The following UGT1A6 variants were observed in gnomAD, a reference collection of about 807,000 sequenced individuals.
UGT1A6 encodes the protein UDP-glucuronosyltransferase 1A6.
UGT1A6 carries 32 observed loss-of-function variants against 44.4 expected under a neutral mutation model. The observed-to-expected ratio is 0.72, with a 90% CI of 0.54 to 0.97. UGT1A6 has a LOEUF of 0.97. Ranked by LOEUF, UGT1A6 falls within the 50% of genes least tolerant of loss-of-function variation. UGT1A6 has a pLI of 0.00. For synonymous variants in UGT1A6, 238 were observed against 248.5 expected (o/e 0.96, Z 0.40); for missense variants, 685 against 661.9 (o/e 1.03, Z -0.38).
At chr2:233,700,836 AG>A (rs1445397455) in intron 1 of UGT1A6, among the ~76,000 whole-genome samples, 2 of 152,118 alleles carry the variant, frequency 1.3e-5, no homozygotes, top group Non-Finnish European at 2.9e-5. Flanking sequence ...CTCGTCATTT[AG>A]CATTAGGTAT....
At chr2:233,711,329 A>G (rs1022297235) in intron 1 of UGT1A6, among the ~76,000 whole-genome samples, 2 of 152,214 alleles carry the variant, frequency 1.3e-5, no homozygotes, top group African/African-American at 4.8e-5. Context: ...ACAAAACACC[A>G]CTGCATGGAG....
chr2:233,726,690 G>A (rs766630788), intron 1 of UGT1A6, among the ~76,000 whole-genome samples: 3 of 152,094 alleles, frequency 2.0e-5, no homozygotes, highest in Admixed American at 6.5e-5. Context: ...CACCTGTAAC[G>A]GAACATATTC....
At chr2:233,732,356 G>A (rs946467388) in intron 1 of UGT1A6, among the ~76,000 whole-genome samples, 35 of 152,232 alleles carry the variant, frequency 2.3e-4, no homozygotes, top group Non-Finnish European at 4.6e-4. Context: ...TAGTCATGAA[G>A]TCCTGGCCCA....
intron 1 of UGT1A6, among the ~76,000 whole-genome samples, chr2:233,745,990 G>A (rs1261244723): frequency 3.3e-5 from 5 of 151,696 alleles, no homozygotes; most frequent in African/African-American, 1.2e-4. Context: ...TGACAGCTGG[G>A]TCTGAGAGAC....
chr2:233,719,875 G>A (rs1258647724), intron 1 of UGT1A6, among the ~76,000 whole-genome samples: 1 of 152,206 alleles, frequency 6.6e-6, no homozygotes, highest in Non-Finnish European at 1.5e-5. Context: ...AGGAAGAAGA[G>A]GCACGGATGA....
At chr2:233,749,855 C>G (rs1694286489) in intron 1 of UGT1A6, among the ~76,000 whole-genome samples, 1 of 151,986 alleles carries the variant, frequency 6.6e-6, no homozygotes, top group Non-Finnish European at 1.5e-5. Flanking sequence ...GCCTCTCTCT[C>G]ACTTTCTGCC....
intron 1 of UGT1A6, among the ~76,000 whole-genome samples, chr2:233,738,515 G>A (rs2125816431): frequency 6.6e-6 from 1 of 152,322 alleles, no homozygotes; most frequent in African/African-American, 2.4e-5. Context: ...TGCTGATAAT[G>A]TTGTGGACAA....
At chr2:233,726,389 CAT>C (rs2077529485) in intron 1 of UGT1A6, among the ~76,000 whole-genome samples, 1 of 152,150 alleles carries the variant, frequency 6.6e-6, no homozygotes, top group Non-Finnish European at 1.5e-5. Flanking sequence ...GCTTCCATCT[CAT>C]AGTCTTTTGA....
At chr2:233,743,680 G>T in intron 1 of UGT1A6, 1 of 1,367,218 alleles carries the variant, frequency 7.3e-7, no homozygotes, top group South Asian at 1.1e-5. Context: ...AGGGCCTGCC[G>T]CCTGTGCAGC....
intron 1 of UGT1A6, among the ~76,000 whole-genome samples, chr2:233,708,873 C>T (rs936265781): frequency 1.1e-4 from 16 of 151,932 alleles, no homozygotes; most frequent in Admixed American, 7.9e-4. Context: ...TATTGGTTCA[C>T]ATACTAGAAC....
chr2:233,729,681 A>C (rs200127379), intron 1 of UGT1A6: 1 of 1,613,946 alleles, frequency 6.2e-7, no homozygotes. Flanking sequence ...TTAAGGGCAC[A>C]CAGTGTCCAA....
intron 1 of UGT1A6, among the ~76,000 whole-genome samples, chr2:233,724,675 T>G (rs1346427449): frequency 7.1e-6 from 1 of 141,646 alleles, no homozygotes; most frequent in Non-Finnish European, 1.5e-5. Context: ...ACTTCCTAGA[T>G]GGGATGGCGG....
chr2:233,742,713 C>T lies in UGT1A6; in HGVS notation c.862-24321C>T, dbSNP rs546122146. 3.3e-4 allele frequency: 50 copies of T among 152,640 alleles called. 1 individual carries two copies. Among genetic ancestry groups the T allele is most frequent in the African/African-American group, 1.1e-3 (46 of 41,252 alleles). 9.5% of individuals were successfully genotyped at this position (152,640 alleles called of 1,614,324 possible). On this transcript the variant is annotated intron_variant, in intron 1 of 4. Coordinates refer to ENST00000305139, the MANE Select transcript of UGT1A6 (RefSeq NM_001072.4). ...GGGAACATGCTTCCACCGATTTCAG[C>T]TCAGTGATATGGGATTCAAATGTCT... is the stretch of plus-strand genomic sequence containing the variant.
chr2:233,748,386 G>A (rs562746713), intron 1 of UGT1A6, among the ~76,000 whole-genome samples: 1 of 151,878 alleles, frequency 6.6e-6, no homozygotes, highest in African/African-American at 2.4e-5. Context: ...GTCCTTCATT[G>A]GGAAGGAGCA....
intron 1 of UGT1A6, chr2:233,713,020 C>T (rs143190267): frequency 2.4e-5 from 38 of 1,613,618 alleles, no homozygotes; most frequent in African/African-American, 6.7e-5. Context: ...GTTCCCCTGC[C>T]GCAGCTGGCC....
In UGT1A6 at chr2:233,766,936, A is replaced by T. The variant is rs911091346; in HGVS notation, c.862-98A>T. The T allele has an allele frequency of 4.4e-6, 7 of 1,586,086 alleles. No homozygotes were observed. The South Asian group carries it at 7.0e-5, about 16-fold the overall frequency. ...ATCTCAAACACGCATGCCTTTAATC[A>T]TAGTCTTAAGAGGAAGATATCTAAT... is the stretch of plus-strand genomic sequence containing the variant. On this transcript the variant is annotated intron_variant, in intron 1 of 4. Coordinates refer to ENST00000305139, the MANE Select transcript of UGT1A6 (RefSeq NM_001072.4).
chr2:233,716,180 T>C (rs1445061863), intron 1 of UGT1A6, among the ~76,000 whole-genome samples: 1 of 152,174 alleles, frequency 6.6e-6, no homozygotes, highest in Non-Finnish European at 1.5e-5. Flanking sequence ...CATCTTCAAG[T>C]CTCTAATTCT....
intron 1 of UGT1A6, chr2:233,743,354 T>G (rs1575654135): frequency 1.0e-6 from 1 of 972,108 alleles, no homozygotes; most frequent in South Asian, 1.3e-5. Flanking sequence ...GACATGGACT[T>G]GAAGCTGCCT....
At chr2:233,760,785 G>A in intron 1 of UGT1A6, 1 of 1,613,686 alleles carries the variant, frequency 6.2e-7, no homozygotes. Context: ...ACCTGTCTCT[G>A]CCCACTGTAT....
Sources: allele counts gnomAD v4.1 joint callset (sites outside exome capture counted in the v4.1 genomes callset), GRCh38; gene constraint gnomAD v4.1.1; transcripts MANE v1.5; gene names NCBI Gene and HGNC (gene_info 2026-07-23, HGNC 2026-07-21).